SLC24A2: variants seen among roughly 807,000 people sequenced by gnomAD.
SLC24A2 encodes the protein solute carrier family 24 member 2.
SLC24A2 carries 36 observed loss-of-function variants against 62.0 expected under a neutral mutation model. The ratio of observed to expected loss-of-function variants is 0.58; its 90% CI spans 0.44 to 0.77. SLC24A2 has a LOEUF of 0.77. Among genes scored for constraint, SLC24A2 ranks in the 30% least tolerant of loss-of-function variants. The pLI, the probability that SLC24A2 is intolerant of heterozygous loss-of-function variation, is 0.00. For missense variants in SLC24A2, 846 were observed against 817.9 expected (o/e 1.03, Z -0.42); for synonymous variants, 358 against 294.0 (o/e 1.22, Z -2.23).
the SLC24A2 span, among the ~76,000 whole-genome samples, chr9:20,244,987 A>C: frequency 6.6e-6 from 1 of 152,364 alleles, no homozygotes; most frequent in African/African-American, 2.4e-5. Context: ...CTAGATGCAG[A>C]AAGTACAGGA....
At chr9:20,189,342 T>C in the SLC24A2 span, among the ~76,000 whole-genome samples, 422 of 152,314 alleles carry the variant, frequency 2.8e-3, 5 homozygotes, top group Non-Finnish European at 1.7e-3. Flanking sequence ...AATCGACTGC[T>C]GGGAGCTCTG....
At chr9:19,754,788 T>G (rs1470915973) in intron 2 of SLC24A2, among the ~76,000 whole-genome samples, 1 of 151,946 alleles carries the variant, frequency 6.6e-6, no homozygotes, top group Non-Finnish European at 1.5e-5. Flanking sequence ...AATGCACAGT[T>G]CCAGTGGCAG....
At position 19,789,006 on chromosome 9, in the gene SLC24A2, C is replaced by G. The variant is rs893176968; in HGVS notation, c.-275G>C. On this transcript the variant is annotated 5_prime_UTR_variant, in exon 1 of 11. Coordinates refer to ENST00000341998, the MANE Select transcript of SLC24A2 (RefSeq NM_020344.4). Reference sequence around the variant, plus strand: ...GCTCTGGCTCGCACTGGCTGCCGCTCTCGCCAGCCGGGCTGGGTTCGGGAG... The same window carrying G: ...GCTCTGGCTCGCACTGGCTGCCGCTGTCGCCAGCCGGGCTGGGTTCGGGAG... 1.1e-6 allele frequency: 1 copy of G among 939,788 alleles called. No individual in the cohort carries two copies. Among genetic ancestry groups the G allele is most frequent in the South Asian group, 4.9e-5 (1 of 20,442 alleles). 58.2% of individuals were successfully genotyped at this position (939,788 alleles called of 1,614,324 possible). A position where few individuals can be genotyped will look rare whatever the true frequency, so the allele number is the denominator to read the frequency against.
At chr9:20,208,332 G>T in the SLC24A2 span, among the ~76,000 whole-genome samples, 1 of 152,190 alleles carries the variant, frequency 6.6e-6, no homozygotes, top group African/African-American at 2.4e-5. Flanking sequence ...AGGAATGGGA[G>T]AGGGGCTCGC....
intron 2 of SLC24A2, among the ~76,000 whole-genome samples, chr9:19,699,680 T>A (rs1050728147): frequency 6.6e-6 from 1 of 152,198 alleles, no homozygotes; most frequent in Non-Finnish European, 1.5e-5. Flanking sequence ...TGGAAAGAAA[T>A]GTATCAAATT....
chr9:19,734,120 C>T (rs1821424087), intron 2 of SLC24A2, among the ~76,000 whole-genome samples: 1 of 152,128 alleles, frequency 6.6e-6, no homozygotes, highest in South Asian at 2.1e-4. Flanking sequence ...CCAGTTTTCC[C>T]AGCACCATTT....
At chr9:20,235,753 G>A in the SLC24A2 span, among the ~76,000 whole-genome samples, 1 of 152,166 alleles carries the variant, frequency 6.6e-6, no homozygotes, top group Admixed American at 6.5e-5. Context: ...CCTACTGTCT[G>A]GCACTCCCCA....
the SLC24A2 span, among the ~76,000 whole-genome samples, chr9:20,189,083 T>TC: frequency 6.6e-5 from 7 of 106,828 alleles, no homozygotes; most frequent in African/African-American, 2.2e-4. Context: ...TTTCTTTTTT[T>TC]TTTTTTTTTC....
the SLC24A2 span, among the ~76,000 whole-genome samples, chr9:20,070,220 A>G: frequency 6.6e-6 from 1 of 151,796 alleles, no homozygotes; most frequent in Non-Finnish European, 1.5e-5. Flanking sequence ...TTCCTAACTT[A>G]CTATGATTGT....
At chr9:19,667,157 G>A (rs1819278273) in intron 2 of SLC24A2, among the ~76,000 whole-genome samples, 3 of 152,148 alleles carry the variant, frequency 2.0e-5, no homozygotes, top group Non-Finnish European at 4.4e-5. Flanking sequence ...AAAACCTTGA[G>A]TTAAGGATCA....
chr9:19,764,745 T>TA (rs1238882355), intron 2 of SLC24A2, among the ~76,000 whole-genome samples: 1 of 152,128 alleles, frequency 6.6e-6, no homozygotes, highest in Non-Finnish European at 1.5e-5. Context: ...GAATAAGTGC[T>TA]ATGTGGTGCA....
chr9:20,065,225 C>T, the SLC24A2 span, among the ~76,000 whole-genome samples: 99 of 152,366 alleles, frequency 6.5e-4, no homozygotes, highest in Non-Finnish European at 1.3e-3. Context: ...AGTGGCCCCA[C>T]TTCCTCTCTG....
At chr9:19,672,043 T>C (rs1819433510) in intron 2 of SLC24A2, among the ~76,000 whole-genome samples, 1 of 146,302 alleles carries the variant, frequency 6.8e-6, no homozygotes, top group African/African-American at 2.7e-5. Context: ...TTCCTGGCTT[T>C]GGTATTAGGG....
the SLC24A2 span, among the ~76,000 whole-genome samples, chr9:20,077,326 T>C: frequency 4.6e-5 from 7 of 152,202 alleles, no homozygotes; most frequent in Non-Finnish European, 7.3e-5. Context: ...TGTGAGATGA[T>C]AACTATGTTA....
At chr9:20,285,148 G>A in the SLC24A2 span, among the ~76,000 whole-genome samples, 7 of 152,188 alleles carry the variant, frequency 4.6e-5, no homozygotes, top group Non-Finnish European at 8.8e-5. Context: ...GAAATAGGTA[G>A]AAGCATCCCT....
At chr9:20,169,758 G>T in the SLC24A2 span, among the ~76,000 whole-genome samples, 1 of 151,764 alleles carries the variant, frequency 6.6e-6, no homozygotes, top group Non-Finnish European at 1.5e-5. Flanking sequence ...CTGGTAATAT[G>T]ACAAAACAAA....
At chr9:20,000,647 C>G in the SLC24A2 span, among the ~76,000 whole-genome samples, 2 of 152,196 alleles carry the variant, frequency 1.3e-5, no homozygotes, top group Admixed American at 6.5e-5. Flanking sequence ...GTCTCCATAT[C>G]TGCCACATTT....
intron 2 of SLC24A2, among the ~76,000 whole-genome samples, chr9:19,718,165 T>C (rs1290702536): frequency 6.6e-6 from 1 of 151,662 alleles, no homozygotes; most frequent in African/African-American, 2.4e-5. Flanking sequence ...TTAGTAGAGA[T>C]GGGATTTCTC....
chr9:20,187,900 T>C, the SLC24A2 span, among the ~76,000 whole-genome samples: 3 of 152,208 alleles, frequency 2.0e-5, no homozygotes, highest in African/African-American at 7.2e-5. Flanking sequence ...TTTCTCAGGA[T>C]CCCACATGAT....
Sources: gnomAD v4.1 joint callset for allele counts (sites outside exome capture counted in the v4.1 genomes callset) on GRCh38, gnomAD v4.1.1 for gene constraint, MANE v1.5 for transcripts, NCBI Gene and HGNC (gene_info 2026-07-23, HGNC 2026-07-21) for gene names.